OSBPL10: variants seen among roughly 807,000 people sequenced by gnomAD.
OSBPL10 encodes oxysterol binding protein like 10.
Under a neutral mutation model 81.7 loss-of-function variants are expected in OSBPL10, and 49 were observed. That is an observed-to-expected ratio of 0.60 (90% CI 0.48 to 0.76). OSBPL10 has a LOEUF of 0.76. Ranked by LOEUF, OSBPL10 falls within the 30% of genes least tolerant of loss-of-function variation. OSBPL10 has a pLI of 0.00. For synonymous variants in OSBPL10, 419 were observed against 383.6 expected, an observed-to-expected ratio of 1.09 and a Z score of -1.08; for missense variants, 923 against 987.8, an observed-to-expected ratio of 0.93 and a Z score of 0.88.
rs545276869 is a variant in OSBPL10 at position 31,671,920 on chromosome 3, C to A, written c.1727-937G>T. 2.0e-5 allele frequency among the ~76,000 whole-genome samples: 3 copies of A among 152,248 alleles called. No individual in the cohort carries two copies. The East Asian group carries it at 5.8e-4, about 30-fold the overall frequency. ...CAGCTCTCTTAAGATCACATCTTCA[C>A]AAGGCACCTCTCAGTCTCCCATCCA... On this transcript the variant is annotated intron_variant, in intron 8 of 11. Transcript: ENST00000396556.
intron 2 of OSBPL10, among the ~76,000 whole-genome samples, chr3:32,005,294 G>T (rs1478682607): frequency 1.3e-5 from 2 of 152,030 alleles, no homozygotes; most frequent in African/African-American, 2.4e-5. Context: ...AGTTCATAGG[G>T]CCTAACTGCT....
At chr3:32,059,302 C>A (rs1016800717) in intron 1 of OSBPL10, among the ~76,000 whole-genome samples, 1 of 148,566 alleles carries the variant, frequency 6.7e-6, no homozygotes, top group Non-Finnish European at 1.5e-5. Context: ...CTCAAAACAA[C>A]AACAGGCCGG....
chr3:31,703,094 T>C (rs1468613380), intron 6 of OSBPL10, among the ~76,000 whole-genome samples: 1 of 152,224 alleles, frequency 6.6e-6, no homozygotes, highest in African/African-American at 2.4e-5. Context: ...AACTTTATGA[T>C]ACTACTGGGA....
At chr3:32,025,131 T>G (rs949972546) in intron 2 of OSBPL10, among the ~76,000 whole-genome samples, 3 of 152,174 alleles carry the variant, frequency 2.0e-5, no homozygotes, top group Non-Finnish European at 4.4e-5. Context: ...AGCCCTAGGT[T>G]ATTTGTAGAT....
chr3:31,813,440 GT>G (rs908829816), intron 4 of OSBPL10, among the ~76,000 whole-genome samples: 3 of 151,990 alleles, frequency 2.0e-5, no homozygotes, highest in Non-Finnish European at 2.9e-5. Flanking sequence ...GGCAGTTTTG[GT>G]TTTTTTGTTT....
intron 3 of OSBPL10, among the ~76,000 whole-genome samples, chr3:31,859,985 T>C (rs776192422): frequency 1.3e-5 from 2 of 152,164 alleles, no homozygotes; most frequent in African/African-American, 2.4e-5. Flanking sequence ...CTTACTCCAA[T>C]AACAGTTCCA....
intron 4 of OSBPL10, among the ~76,000 whole-genome samples, chr3:31,759,223 A>G (rs1008963369): frequency 1.3e-5 from 2 of 152,228 alleles, no homozygotes; most frequent in African/African-American, 4.8e-5. Flanking sequence ...AGTAGAAGGC[A>G]AAGGATCAGT....
At chr3:32,071,955 C>A (rs1699832485) in intron 1 of OSBPL10, among the ~76,000 whole-genome samples, 2 of 152,288 alleles carry the variant, frequency 1.3e-5, no homozygotes, top group South Asian at 2.1e-4. Context: ...TTCCACCAGG[C>A]CTAATTGCCA....
At chr3:31,844,273 A>G (rs939694908) in intron 3 of OSBPL10, among the ~76,000 whole-genome samples, 1 of 152,254 alleles carries the variant, frequency 6.6e-6, no homozygotes, top group Non-Finnish European at 1.5e-5. Flanking sequence ...CTCAGCCTGT[A>G]TATTTTATGA....
intron 4 of OSBPL10, among the ~76,000 whole-genome samples, chr3:31,792,740 A>AGAGTGT (rs1227237967): frequency 1.5e-5 from 2 of 133,606 alleles, no homozygotes; most frequent in Admixed American, 7.7e-5. Context: ...CCAGACACAG[A>AGAGTGT]GTGTGTGTGT....
intron 6 of OSBPL10, among the ~76,000 whole-genome samples, chr3:31,710,417 C>G (rs1696214416): frequency 1.3e-5 from 2 of 152,168 alleles, no homozygotes; most frequent in African/African-American, 4.8e-5. Flanking sequence ...CCTTCTCCCC[C>G]CACAGCTTCC....
chr3:31,904,677 C>T (rs1163034666), intron 1 of OSBPL10, among the ~76,000 whole-genome samples: 1 of 152,180 alleles, frequency 6.6e-6, no homozygotes, highest in African/African-American at 2.4e-5. Flanking sequence ...AGTTTACTCT[C>T]TGGGAACACA....
At chr3:31,976,284 C>T (rs1159964289) in intron 1 of OSBPL10, among the ~76,000 whole-genome samples, 1 of 152,214 alleles carries the variant, frequency 6.6e-6, no homozygotes. Flanking sequence ...CACCAATAAT[C>T]TCATTTAATC....
At chr3:31,860,366 G>A (rs560352448) in intron 3 of OSBPL10, among the ~76,000 whole-genome samples, 1 of 152,230 alleles carries the variant, frequency 6.6e-6, no homozygotes, top group Non-Finnish European at 1.5e-5. Flanking sequence ...CTTGTTATTG[G>A]ATGGTCCAAA....
At chr3:31,777,284 T>C (rs942428653) in intron 4 of OSBPL10, among the ~76,000 whole-genome samples, 1 of 152,230 alleles carries the variant, frequency 6.6e-6, no homozygotes, top group East Asian at 1.9e-4. Context: ...TTCTAATTTG[T>C]TGTTAAAACA....
chr3:31,909,513 AAAG>A (rs1696511330), intron 1 of OSBPL10, among the ~76,000 whole-genome samples: 1 of 152,112 alleles, frequency 6.6e-6, no homozygotes, highest in Non-Finnish European at 1.5e-5. Context: ...TTAAAAAAAA[AAAG>A]AAAGAAAGGG....
At chr3:31,850,103 T>C (rs896392934) in intron 3 of OSBPL10, among the ~76,000 whole-genome samples, 7 of 152,078 alleles carry the variant, frequency 4.6e-5, no homozygotes, top group Admixed American at 2.0e-4. Flanking sequence ...AGGTGGAGGT[T>C]GCAGTGAGCC....
At chr3:32,042,614 G>A (rs1355637053) in intron 2 of OSBPL10, among the ~76,000 whole-genome samples, 3 of 152,040 alleles carry the variant, frequency 2.0e-5, no homozygotes, top group Non-Finnish European at 2.9e-5. Context: ...TTGGCCGGCC[G>A]AGAAATAAAG....
intron 2 of OSBPL10, among the ~76,000 whole-genome samples, chr3:32,019,520 T>A (rs970274235): frequency 1.3e-5 from 2 of 151,782 alleles, no homozygotes; most frequent in Non-Finnish European, 2.9e-5. Flanking sequence ...AAGAGAGGAG[T>A]ATAATGGGAA....
Sources: gnomAD v4.1 joint callset for allele counts (sites outside exome capture counted in the v4.1 genomes callset) on GRCh38, gnomAD v4.1.1 for gene constraint, MANE v1.5 for transcripts, NCBI Gene and HGNC (gene_info 2026-07-23, HGNC 2026-07-21) for gene names.